Variants in NEXN observed in about 807,000 individuals in gnomAD.
The protein encoded by NEXN is nexilin F-actin binding protein.
A neutral mutation model predicts 92.6 loss-of-function variants in NEXN; 65 were observed. The ratio of observed to expected loss-of-function variants is 0.70; its 90% CI spans 0.57 to 0.86. The LOEUF (loss-of-function observed/expected upper bound fraction) is 0.86, where lower values mean the gene tolerates loss of function less well. NEXN is among the 40% of genes least tolerant of loss of function. The pLI is 0.00. For missense variants in NEXN, 778 were observed against 771.1 expected (o/e 1.01, Z -0.11); for synonymous variants, 254 against 242.5 (o/e 1.05, Z -0.44).
intron 9 of NEXN, among the ~76,000 whole-genome samples, chr1:77,932,529 A>G (rs1650388204): frequency 6.6e-6 from 1 of 152,230 alleles, no homozygotes; most frequent in Admixed American, 6.5e-5. Context: ...TTGCCTGATT[A>G]TGAAGAGATC....
intron 10 of NEXN, among the ~76,000 whole-genome samples, chr1:77,934,048 T>G (rs4949824): frequency 7.0e-6 from 1 of 143,872 alleles, no homozygotes; most frequent in African/African-American, 2.6e-5. Context: ...CTTGCTCTGT[T>G]GCCCAGGCTG....
intron 10 of NEXN, among the ~76,000 whole-genome samples, chr1:77,934,228 T>C (rs995860737): frequency 1.3e-5 from 2 of 152,106 alleles, no homozygotes; most frequent in Non-Finnish European, 2.9e-5. Context: ...CAGGCTGATC[T>C]CGAACTCCTG....
intron 8 of NEXN, among the ~76,000 whole-genome samples, chr1:77,928,624 CTAGATAA>C (rs1222795509): frequency 2.0e-5 from 3 of 151,008 alleles, no homozygotes; most frequent in African/African-American, 7.3e-5. Flanking sequence ...TAAAATAGTT[CTAGATAA>C]TAATCTTTTA....
intron 1 of NEXN, among the ~76,000 whole-genome samples, chr1:77,904,614 C>T (rs1239463077): frequency 6.6e-6 from 1 of 152,166 alleles, no homozygotes; most frequent in Admixed American, 6.6e-5. Flanking sequence ...AACTGATCCC[C>T]TGCAATCTGG....
In NEXN at chr1:77,917,689, A is replaced by G. The variant is rs770124387; in HGVS notation, c.151A>G (p.Arg51Gly). ...AREERNQRRSRDEKQRRKEQY... is the reference protein window; with the variant it reads ...AREERNQRRSGDEKQRRKEQY... ...GGAAGAAAGAAATCAAAGGAGATCT[A>G]GAGACGAAAAACAAAGAAGAAAAGA... Residue 51 changes from arginine (R) to glycine (G), a missense_variant, in exon 3 of 13, where the codon AGA (arginine) becomes GGA (glycine). Physicochemically the swap from Arg to Gly is moderately radical, Grantham distance 125. Coordinates refer to ENST00000334785, the MANE Select transcript of NEXN (RefSeq NM_144573.4). 3.7e-6 allele frequency: 6 copies of G among 1,612,418 alleles called. No homozygotes were observed. The South Asian group carries it at 6.6e-5, about 18-fold the overall frequency.
chr1:77,926,423 GAT>G lies in NEXN; in HGVS notation c.500_501del (p.Asp167ValfsTer13). The G allele has an allele frequency of 1.3e-6, 2 of 1,594,718 alleles. No individual in the cohort carries two copies. Among genetic ancestry groups the G allele is most frequent in the Non-Finnish European group, 1.7e-6 (2 of 1,166,706 alleles). Reference sequence around the variant, plus strand: ...CTATTTTATAAAATAGGAAGGAGATGATTCACTACTTATAACTGTGGTACCTG... The same window carrying G: ...CTATTTTATAAAATAGGAAGGAGATGTCACTACTTATAACTGTGGTACCTG... ...GTESASEEGD[D>X]SLLITVVPVK... On this transcript the variant is annotated frameshift_variant, in exon 7 of 13. Coordinates refer to ENST00000334785, the MANE Select transcript of NEXN (RefSeq NM_144573.4). LOFTEE classifies it high-confidence loss of function.
At chr1:77,940,512 A>C (rs779997580) in intron 11 of NEXN, among the ~76,000 whole-genome samples, 3 of 152,240 alleles carry the variant, frequency 2.0e-5, no homozygotes, top group Non-Finnish European at 4.4e-5. Flanking sequence ...TACTTACTCA[A>C]ATTTATTTTC....
At chr1:77,888,855 G>A (rs1647034459) in intron 1 of NEXN, 96 bp downstream of exon 1, 1 of 153,326 alleles carries the variant, frequency 6.5e-6, no homozygotes, top group South Asian at 2.1e-4. Context: ...GCTGCAGAGA[G>A]GCGCTCGGGG....
rs767610015 is a variant in NEXN at position 77,917,962 on chromosome 1, T to C, written c.222T>C (p.Ile74=). The change falls in exon 4 of 13, where the codon ATT becomes ATC. Residue 74 remains isoleucine (I), a splice_region_variant and synonymous_variant. Coordinates refer to ENST00000334785, the MANE Select transcript of NEXN (RefSeq NM_144573.4). ...CATTAATTTATTTAACCATCTAGAT[T>C]AAAGAAATGCTTGCTTCTGATGATG... The part of the protein sequence containing the change: ...EREWNRRKQE[I]KEMLASDDEE... 70 of 1,610,994 alleles carry C rather than the reference T, an allele frequency of 4.3e-5. No individual in the cohort carries two copies. The highest frequency in any genetic ancestry group is 5.7e-5 in the Non-Finnish European group (67 of 1,177,898).
At chr1:77,937,211 G>A (rs1650839029) in intron 11 of NEXN, among the ~76,000 whole-genome samples, 1 of 152,138 alleles carries the variant, frequency 6.6e-6, no homozygotes, top group South Asian at 2.1e-4. Flanking sequence ...GGCTGAGGTG[G>A]GAGGACTGAT....
intron 1 of NEXN, among the ~76,000 whole-genome samples, chr1:77,901,398 A>G (rs1647697207): frequency 2.6e-5 from 4 of 152,226 alleles, no homozygotes; most frequent in African/African-American, 9.6e-5. Context: ...AAATGACTTT[A>G]TAAGTACATA....
At chr1:77,938,258 C>T (rs536404163) in intron 11 of NEXN, among the ~76,000 whole-genome samples, 1 of 152,218 alleles carries the variant, frequency 6.6e-6, no homozygotes, top group African/African-American at 2.4e-5. Flanking sequence ...AAAGCAAACA[C>T]CATTTCTATT....
chr1:77,926,314 G>T, intron 6 of NEXN, 100 bp from the exon 7 acceptor site: 1 of 746,624 alleles, frequency 1.3e-6, no homozygotes, highest in Non-Finnish European at 2.3e-6. Flanking sequence ...TAATAACATT[G>T]ATGACAGTGT....
At chr1:77,889,973 A>C (rs1044580798) in intron 1 of NEXN, among the ~76,000 whole-genome samples, 1 of 152,132 alleles carries the variant, frequency 6.6e-6, no homozygotes, top group Non-Finnish European at 1.5e-5. Context: ...GGACCACATA[A>C]TTTCCCCCGC....
chr1:77,942,707 A>T lies in NEXN; in HGVS notation c.1906A>T (p.Thr636Ser), dbSNP rs766929724. ...CTATCAATATATTGAAAGGGGAGAA[A>T]CTTACTGCCTTTACTTACCAGAAAC... Reference protein sequence around the residue: ...EDYQYIERGETYCLYLPETFP... With the variant: ...EDYQYIERGESYCLYLPETFP... The change falls in exon 13 of 13, where the codon ACT (threonine) becomes TCT (serine). Residue 636 changes from threonine to serine, a missense_variant. Physicochemically the swap from Thr to Ser is moderately conservative, Grantham distance 58 (BLOSUM62 1). Coordinates refer to ENST00000334785, the MANE Select transcript of NEXN (RefSeq NM_144573.4). 3.7e-6 allele frequency: 6 copies of T among 1,613,784 alleles called. No homozygotes were observed. The South Asian group carries it at 6.6e-5, about 18-fold the overall frequency.
At chr1:77,925,142 G>A in intron 5 of NEXN, 46 bp from the exon 6 acceptor site, 1 of 1,318,034 alleles carries the variant, frequency 7.6e-7, no homozygotes, top group Non-Finnish European at 1.1e-6. Flanking sequence ...AAAGCAAAAA[G>A]TAGAAATCTG....
chr1:77,895,835 A>T (rs190761571), intron 1 of NEXN, among the ~76,000 whole-genome samples: 22 of 152,158 alleles, frequency 1.4e-4, no homozygotes, highest in African/African-American at 5.3e-4. Flanking sequence ...ATTGCACTCC[A>T]GCCTGGGCGA....
intron 1 of NEXN, among the ~76,000 whole-genome samples, chr1:77,900,209 T>C (rs1399738464): frequency 1.3e-5 from 2 of 152,162 alleles, no homozygotes; most frequent in African/African-American, 4.8e-5. Context: ...TTTTTGTTCA[T>C]TCTGGTTCTT....
intron 8 of NEXN, among the ~76,000 whole-genome samples, chr1:77,928,157 C>T (rs1650010461): frequency 6.6e-6 from 1 of 151,742 alleles, no homozygotes; most frequent in Non-Finnish European, 1.5e-5. Flanking sequence ...AAAACAAATA[C>T]AAAAATTAGC....
Sources: allele counts gnomAD v4.1 joint callset (sites outside exome capture counted in the v4.1 genomes callset), GRCh38; gene constraint gnomAD v4.1.1; transcripts MANE v1.5; gene names NCBI Gene and HGNC (gene_info 2026-07-23, HGNC 2026-07-21).